The following TSPEAR variants were observed in gnomAD, a reference collection of about 807,000 sequenced individuals.
The protein encoded by TSPEAR is thrombospondin-type laminin G domain and EAR repeat-containing protein.
TSPEAR carries 69 observed loss-of-function variants against 71.6 expected under a neutral mutation model. That is an observed-to-expected ratio of 0.96 (90% CI 0.79 to 1.18). The LOEUF is 1.18. Among genes scored for constraint, TSPEAR ranks in the 50% most tolerant of loss-of-function variants. The pLI is 0.00. For missense variants in TSPEAR, 971 were observed against 894.9 expected (o/e 1.09, Z -1.09); for synonymous variants, 402 against 387.2 (o/e 1.04, Z -0.45).
At chr21:44,571,794 T>C (rs945893509) in intron 1 of TSPEAR, among the ~76,000 whole-genome samples, 6 of 152,212 alleles carry the variant, frequency 3.9e-5, no homozygotes, top group Admixed American at 3.9e-4. Context: ...CATTCTTTAG[T>C]CCACACATAG....
At chr21:44,580,427 C>T (rs1555924909) in intron 1 of TSPEAR, 1 of 1,613,014 alleles carries the variant, frequency 6.2e-7, no homozygotes, top group Non-Finnish European at 8.5e-7. Flanking sequence ...CGCCTGGCAG[C>T]AGGGGCTGGA....
chr21:44,577,799 T>C (rs782635264), intron 1 of TSPEAR, among the ~76,000 whole-genome samples: 7 of 152,240 alleles, frequency 4.6e-5, no homozygotes, highest in Non-Finnish European at 1.0e-4. Flanking sequence ...CTAACTTTAC[T>C]GGTCATTATA....
At chr21:44,637,857 G>A (rs782770117) in intron 1 of TSPEAR, 2 of 1,533,638 alleles carry the variant, frequency 1.3e-6, no homozygotes, top group South Asian at 2.4e-5. Flanking sequence ...CAGGCCTGCT[G>A]TGTGCCTGTC....
At chr21:44,634,992 A>G (rs191175183) in intron 1 of TSPEAR, among the ~76,000 whole-genome samples, 1 of 152,106 alleles carries the variant, frequency 6.6e-6, no homozygotes, top group African/African-American at 2.4e-5. Context: ...ATCAGTTCCC[A>G]CTCCTAGGTA....
chr21:44,664,815 G>T (rs1263051360), intron 1 of TSPEAR, among the ~76,000 whole-genome samples: 2 of 152,228 alleles, frequency 1.3e-5, no homozygotes. Flanking sequence ...CCCATGTGGA[G>T]CACTAGCATC....
intron 9 of TSPEAR, among the ~76,000 whole-genome samples, chr21:44,515,227 A>C (rs1197532212): frequency 6.6e-6 from 1 of 152,264 alleles, no homozygotes; most frequent in Non-Finnish European, 1.5e-5. Context: ...GCAAAACATG[A>C]AAGTGGGCTT....
In TSPEAR at chr21:44,528,452, C is replaced by G. The variant is rs1308716987; in HGVS notation, c.922G>C (p.Ala308Pro). 2.5e-6 allele frequency: 4 copies of G among 1,613,782 alleles called. No individual in the cohort carries two copies. The highest frequency in any genetic ancestry group is 1.6e-4 in the Middle Eastern group (1 of 6,080). The change falls in exon 6 of 12, where the codon GCC becomes CCC. Residue 308 changes from alanine to proline, a missense_variant and splice_region_variant. Transcript: ENST00000323084. ...CGCCCCGGGTGCAGGGCTGCCTCAC[C>G]TGCTAACACGGAGACCCACTCGTTG... The part of the protein sequence containing the change: ...VGNEWVSVLA[A>P]KERLDYVEEH...
chr21:44,568,352 C>A (rs2053733348), intron 1 of TSPEAR, among the ~76,000 whole-genome samples: 1 of 152,206 alleles, frequency 6.6e-6, no homozygotes, highest in African/African-American at 2.4e-5. Flanking sequence ...CATGGCCCCA[C>A]CGCAGCCACG....
intron 1 of TSPEAR, among the ~76,000 whole-genome samples, chr21:44,589,719 G>T (rs1009010685): frequency 6.6e-6 from 1 of 152,204 alleles, no homozygotes; most frequent in Admixed American, 6.5e-5. Context: ...TGCCTCGGAC[G>T]AGGGCAGGTG....
intron 1 of TSPEAR, chr21:44,602,144 C>G (rs587723865): frequency 7.1e-6 from 2 of 280,950 alleles, no homozygotes; most frequent in African/African-American, 4.4e-5. Context: ...GCAGGTCAGA[C>G]CCTTCTAATA....
In TSPEAR at chr21:44,623,140, A is replaced by G. The variant is rs1555933804; in HGVS notation, c.83-55135T>C. Reference sequence around the variant, plus strand: ...GAGCCAACTAAACTTTCGTCTTATAAATTACCCAGTCTCAAATATTTCTTT... The same window carrying G: ...GAGCCAACTAAACTTTCGTCTTATAGATTACCCAGTCTCAAATATTTCTTT... On this transcript the variant is annotated intron_variant, in intron 1 of 11. Coordinates refer to ENST00000323084, the MANE Select transcript of TSPEAR (RefSeq NM_144991.3). This position sits in a 1 kb window ranked among gnomAD's most constrained non-coding sequence, Gnocchi z 4.5. 6.6e-6 allele frequency among the ~76,000 whole-genome samples: 1 copy of G among 152,130 alleles called. No homozygotes were observed. The highest frequency in any genetic ancestry group is 2.4e-5 in the African/African-American group (1 of 41,414).
chr21:44,676,287 T>C (rs1712283581), intron 1 of TSPEAR: 1 of 1,230,264 alleles, frequency 8.1e-7, no homozygotes, highest in Admixed American at 1.7e-5. Context: ...TCAGGGACTC[T>C]GGAGGGATAG....
At chr21:44,591,799 C>T in intron 1 of TSPEAR, 1 of 1,586,500 alleles carries the variant, frequency 6.3e-7, no homozygotes, top group Non-Finnish European at 8.6e-7. Flanking sequence ...GACGGGCACG[C>T]AGCAGGCCTG....
chr21:44,516,897 C>T (rs999703223), intron 9 of TSPEAR, among the ~76,000 whole-genome samples: 1 of 152,212 alleles, frequency 6.6e-6, no homozygotes, highest in Admixed American at 6.5e-5. Context: ...GAAGAAAACA[C>T]ACCAGCTCTG....
In TSPEAR at chr21:44,580,102, C is replaced by A. The variant is rs781931454; in HGVS notation, c.83-12097G>T. On this transcript the variant is annotated intron_variant, in intron 1 of 11. Transcript: ENST00000323084. ...AGGGGGAGGAGGTGCAGCAAGTCGG[C>A]TGGCAGCTAGAATGCTGGCAGCATG... 5 of 1,613,584 alleles carry A rather than the reference C, an allele frequency of 3.1e-6. No homozygotes were observed. The highest frequency in any genetic ancestry group is 1.7e-5 in the Admixed American group (1 of 59,832).
At position 44,612,814 on chromosome 21, in the gene TSPEAR, C is replaced by T. The variant is rs1284608204; in HGVS notation, c.83-44809G>A. The T allele has an allele frequency of 1.4e-5, 23 of 1,613,150 alleles. No homozygotes were observed. The East Asian group carries it at 3.3e-4, about 23-fold the overall frequency. On this transcript the variant is annotated intron_variant, in intron 1 of 11. Coordinates refer to ENST00000323084, the MANE Select transcript of TSPEAR (RefSeq NM_144991.3). The surrounding 1 kb of genome is among the most constrained non-coding windows in gnomAD (Gnocchi z 4.1). The stretch of plus-strand genomic sequence containing the variant: ...TCCCTGCCTCCTCCTGCCAGCCCAG[C>T]TGCTGCCACCCGGCCTCCTGCCTGT...
intron 2 of TSPEAR, among the ~76,000 whole-genome samples, chr21:44,559,831 A>G (rs782586000): frequency 6.6e-6 from 1 of 152,280 alleles, no homozygotes; most frequent in Middle Eastern, 3.4e-3. Context: ...GCAAAGGCAG[A>G]GGCTCTGATG....
intron 1 of TSPEAR, among the ~76,000 whole-genome samples, chr21:44,707,829 T>C (rs1555952772): frequency 6.6e-6 from 1 of 151,940 alleles, no homozygotes; most frequent in East Asian, 1.9e-4. Context: ...ATTCAGTAAA[T>C]AAACATGATA....
At chr21:44,557,275 G>T (rs1306813506) in intron 2 of TSPEAR, among the ~76,000 whole-genome samples, 1 of 152,134 alleles carries the variant, frequency 6.6e-6, no homozygotes, top group Non-Finnish European at 1.5e-5. Flanking sequence ...CAAGGACAAA[G>T]GTGGTTACTC....
Sources: gnomAD v4.1 joint callset for allele counts (sites outside exome capture counted in the v4.1 genomes callset) on GRCh38, gnomAD v4.1.1 for gene constraint, Gnocchi (gnomAD v3.1) non-coding constraint, MANE v1.5 for transcripts, NCBI Gene and HGNC (gene_info 2026-07-23, HGNC 2026-07-21) for gene names.